The following PCDHGB2 variants were observed in gnomAD, a reference collection of about 807,000 sequenced individuals.
PCDHGB2 encodes the protein protocadherin gamma-B2.
PCDHGB2 carries 55 observed loss-of-function variants against 59.3 expected under a neutral mutation model. The ratio of observed to expected loss-of-function variants is 0.93; its 90% CI spans 0.75 to 1.16. The LOEUF (loss-of-function observed/expected upper bound fraction) is 1.16, where lower values mean the gene tolerates loss of function less well. PCDHGB2 is among the 50% of genes most tolerant of loss of function. The probability of loss-of-function intolerance (pLI) is 0.00; values close to 1 mark genes in which losing one functional copy is unlikely to be tolerated. For synonymous variants in PCDHGB2, 516 were observed against 512.0 expected (o/e 1.01, Z -0.11); for missense variants, 1,228 against 1,198.5 (o/e 1.02, Z -0.36).
rs1382764259 is a variant in PCDHGB2 at position 141,478,383 on chromosome 5, T to G, written c.2422-16424T>G. 2.5e-6 allele frequency: 4 copies of G among 1,613,630 alleles called. No individual in the cohort carries two copies. In the Admixed American group the frequency reaches 6.7e-5, roughly 27 times the overall value. Reference sequence around the variant, plus strand: ...CGGGGAGGCCTGATGTCGCCGCACCTTTACCATCAGGTGTATCTCACCACG... The same window carrying G: ...CGGGGAGGCCTGATGTCGCCGCACCGTTACCATCAGGTGTATCTCACCACG... On this transcript the variant is annotated intron_variant, in intron 1 of 3. Coordinates refer to ENST00000522605, the MANE Select transcript of PCDHGB2 (RefSeq NM_018923.3).
intron 1 of PCDHGB2, chr5:141,365,145 G>C (rs754518751): frequency 6.2e-7 from 1 of 1,613,864 alleles, no homozygotes; most frequent in Admixed American, 1.7e-5. Context: ...CCAGATGAGG[G>C]AATAAACGGG....
intron 1 of PCDHGB2, chr5:141,379,577 A>G (rs949228726): frequency 6.6e-6 from 1 of 152,178 alleles, no homozygotes; most frequent in African/African-American, 2.4e-5. Flanking sequence ...AGGCTGGTTT[A>G]TTTTATTCTC....
rs2099427993 is a variant in PCDHGB2, at chr5:141,477,978, T to C, written c.2422-16829T>C. Reference sequence around the variant, plus strand: ...TCCCCTAACCAGAGCCTTTTTGCCATAGGGCTGCACACTGGTCAAATCAGT... The same window carrying C: ...TCCCCTAACCAGAGCCTTTTTGCCACAGGGCTGCACACTGGTCAAATCAGT... On this transcript the variant is annotated intron_variant, in intron 1 of 3. Coordinates refer to ENST00000522605, the MANE Select transcript of PCDHGB2 (RefSeq NM_018923.3). This position sits in a 1 kb window ranked among gnomAD's most constrained non-coding sequence, Gnocchi z 4.9. 6.2e-7 allele frequency: 1 copy of C among 1,614,120 alleles called. No individual in the cohort carries two copies. Among genetic ancestry groups the C allele is most frequent in the Non-Finnish European group, 8.5e-7 (1 of 1,180,022 alleles).
chr5:141,491,496 C>T lies in PCDHGB2; in HGVS notation c.2422-3311C>T, dbSNP rs372523924. ...AGTCCAGCCCCAACCTGCAGGTGAG[C>T]TCGGACGGCACGCTCAAGTACATGG... On this transcript the variant is annotated intron_variant, in intron 1 of 3. Transcript: ENST00000522605. This position sits in a 1 kb window ranked among gnomAD's most constrained non-coding sequence, Gnocchi z 6.9. 2.9e-5 allele frequency: 47 copies of T among 1,614,004 alleles called. No individual in the cohort carries two copies. Among genetic ancestry groups the T allele is most frequent in the Non-Finnish European group, 3.7e-5 (44 of 1,180,026 alleles).
chr5:141,395,542 TTGTGTG>T (rs55729045), intron 1 of PCDHGB2: 20,097 of 170,756 alleles, frequency 0.12, 1,101 homozygotes, highest in Admixed American at 0.15. Context: ...TTGCTATTGT[TTGTGTG>T]TGTGTGTGTG....
At chr5:141,371,589 A>C (rs754175637) in intron 1 of PCDHGB2, 1 of 1,613,602 alleles carries the variant, frequency 6.2e-7, no homozygotes, top group South Asian at 1.1e-5. Context: ...TCAAGATACC[A>C]AAAACACATA....
chr5:141,393,155 A>G (rs1158641344), intron 1 of PCDHGB2: 1 of 1,613,328 alleles, frequency 6.2e-7, no homozygotes, highest in Non-Finnish European at 8.5e-7. Flanking sequence ...AGGATAAAGG[A>G]AAACTCTTTG....
rs199936765 is a variant in PCDHGB2 at position 141,408,488 on chromosome 5, T to G, written c.2421+45932T>G. Reference sequence around the variant, plus strand: ...GAACCGAATAGACCGTGAGCAAATATGCAAAGAGAGAAGAAGATGTGAGTT... The same window carrying G: ...GAACCGAATAGACCGTGAGCAAATAGGCAAAGAGAGAAGAAGATGTGAGTT... On this transcript the variant is annotated intron_variant, in intron 1 of 3. Transcript: ENST00000522605. 8.1e-5 allele frequency: 130 copies of G among 1,614,012 alleles called. No individual in the cohort carries two copies. The Middle Eastern group carries it at 1.8e-3, about 23-fold the overall frequency.
intron 1 of PCDHGB2, chr5:141,422,204 GAGGTCTCTTTACCA>G: frequency 6.4e-7 from 1 of 1,562,138 alleles, no homozygotes. Flanking sequence ...CAAGATGGTG[GAGGTCTCTTTACCA>G]CCACGACGAT....
chr5:141,443,650 CA>C (rs2098397782), intron 1 of PCDHGB2, among the ~76,000 whole-genome samples: 1 of 152,150 alleles, frequency 6.6e-6, no homozygotes. Flanking sequence ...ATAATGTTAG[CA>C]TAGCATTTTA....
chr5:141,509,586 T>A (rs2154594569), intron 3 of PCDHGB2, among the ~76,000 whole-genome samples: 1 of 152,302 alleles, frequency 6.6e-6, no homozygotes, highest in East Asian at 1.9e-4. Flanking sequence ...ACAAATCAGC[T>A]GGCAATTCCG....
In PCDHGB2 at chr5:141,485,244, T is replaced by C; in HGVS notation, c.2422-9563T>C. ...ACCCTTTTGTTCCTCTTTTACCACC[T>C]GGGTTACGTTTGTGGGCAGATCCGC... On this transcript the variant is annotated intron_variant, in intron 1 of 3. Transcript: ENST00000522605. This position sits in a 1 kb window ranked among gnomAD's most constrained non-coding sequence, Gnocchi z 5.7. 1 of 1,614,168 alleles carries C rather than the reference T, an allele frequency of 6.2e-7. No individual in the cohort carries two copies. Among genetic ancestry groups the C allele is most frequent in the Admixed American group, 1.7e-5 (1 of 60,016 alleles).
At chr5:141,433,207 TC>T (rs780557883) in intron 1 of PCDHGB2, 10 of 1,568,868 alleles carry the variant, frequency 6.4e-6, no homozygotes, top group African/African-American at 1.4e-5. Flanking sequence ...AAATCTTCTT[TC>T]TTTTTTTTTT....
chr5:141,421,410 G>A lies in PCDHGB2; in HGVS notation c.2421+58854G>A, dbSNP rs538537555. On this transcript the variant is annotated intron_variant, in intron 1 of 3. Transcript: ENST00000522605. ...TGGGGCTGGAGCCCCGGGAGCTGGCGAAGCGCGGAGTCCGCATCGTCTCCA... is the reference window on the plus strand; with the variant it reads ...TGGGGCTGGAGCCCCGGGAGCTGGCAAAGCGCGGAGTCCGCATCGTCTCCA... The A allele has an allele frequency of 3.7e-6, 6 of 1,614,084 alleles. No homozygotes were observed. In the African/African-American group the frequency reaches 6.7e-5, roughly 18 times the overall value.
intron 1 of PCDHGB2, chr5:141,364,619 G>T (rs764798507): frequency 6.2e-6 from 10 of 1,614,152 alleles, no homozygotes; most frequent in Non-Finnish European, 8.5e-6. Context: ...GGAGCTCTGC[G>T]CTCAGAGCCC....
At chr5:141,399,760 C>T in intron 1 of PCDHGB2, 3 of 1,613,342 alleles carry the variant, frequency 1.9e-6, no homozygotes, top group Non-Finnish European at 2.5e-6. Flanking sequence ...CGTGAGCCTG[C>T]GCGTGTTGGT....
At position 141,422,501 on chromosome 5, in the gene PCDHGB2, C is replaced by T. The variant is rs1343881573; in HGVS notation, c.2421+59945C>T. On this transcript the variant is annotated intron_variant, in intron 1 of 3. Coordinates refer to ENST00000522605, the MANE Select transcript of PCDHGB2 (RefSeq NM_018923.3). ...CAGAGCTACAATATAACGTTGACAGCCACAGACCAGGGAAGCCCGCCTTTG... is the reference window on the plus strand; with the variant it reads ...CAGAGCTACAATATAACGTTGACAGTCACAGACCAGGGAAGCCCGCCTTTG... 9.3e-6 allele frequency: 15 copies of T among 1,613,810 alleles called. No individual in the cohort carries two copies. The highest frequency in any genetic ancestry group is 1.3e-5 in the Non-Finnish European group (15 of 1,179,872).
chr5:141,420,018 G>T, intron 1 of PCDHGB2: 2 of 1,614,066 alleles, frequency 1.2e-6, no homozygotes, highest in African/African-American at 2.7e-5. Flanking sequence ...CAGTCTTTCA[G>T]CCCTACTGCA....
chr5:141,383,458 G>A, intron 1 of PCDHGB2: 1 of 1,613,878 alleles, frequency 6.2e-7, no homozygotes, highest in African/African-American at 1.3e-5. Context: ...AAGTGGAGAC[G>A]ATGAAACTAA....
Sources: allele counts gnomAD v4.1 joint callset (sites outside exome capture counted in the v4.1 genomes callset), GRCh38; gene constraint gnomAD v4.1.1; non-coding constraint Gnocchi (gnomAD v3.1); transcripts MANE v1.5; gene names NCBI Gene and HGNC (gene_info 2026-07-23, HGNC 2026-07-21).